RPL26L1: variants seen among roughly 807,000 people sequenced by gnomAD.
RPL26L1 encodes ribosomal protein L26 like 1.
RPL26L1 carries 8 observed loss-of-function variants against 15.2 expected under a neutral mutation model. The observed-to-expected ratio is 0.53, with a 90% CI of 0.31 to 0.95. The LOEUF (loss-of-function observed/expected upper bound fraction) is 0.95, where lower values mean the gene tolerates loss of function less well. Ranked by LOEUF, RPL26L1 falls within the 40% of genes least tolerant of loss-of-function variation. The probability of loss-of-function intolerance (pLI) is 0.05; values close to 1 mark genes in which losing one functional copy is unlikely to be tolerated. For missense variants in RPL26L1, 146 were observed against 190.9 expected (o/e 0.76, Z 1.39); for synonymous variants, 51 against 65.9 (o/e 0.77, Z 1.09).
upstream of RPL26L1, chr5:172,959,024 C>T (rs1261941914): frequency 6.5e-6 from 1 of 152,696 alleles, no homozygotes; most frequent in Non-Finnish European, 1.5e-5. Flanking sequence ...AAATCGAGAC[C>T]ATCCTGGCTA....
At chr5:172,960,211 T>A (rs1024221199) in intron 2 of RPL26L1, among the ~76,000 whole-genome samples, 170 bp downstream of exon 2, 1 of 152,214 alleles carries the variant, frequency 6.6e-6, no homozygotes, top group African/African-American at 2.4e-5. Context: ...TGCGTTGCTT[T>A]AGAGCATTTA....
intron 2 of RPL26L1, among the ~76,000 whole-genome samples, chr5:172,962,443 G>A (rs142783870): frequency 9.9e-5 from 15 of 152,188 alleles, no homozygotes; most frequent in African/African-American, 3.6e-4. Flanking sequence ...GGGAGGCGGA[G>A]GTTGCAATGA....
At chr5:172,958,016 G>A (rs543739216), upstream of RPL26L1, 11 of 253,528 alleles carry the variant, frequency 4.3e-5, no homozygotes, top group South Asian at 4.5e-4. Flanking sequence ...TGTAATCCCA[G>A]TACTTTGGGA....
intron 2 of RPL26L1, among the ~76,000 whole-genome samples, chr5:172,960,976 A>G (rs1755215007): frequency 6.6e-6 from 1 of 151,880 alleles, no homozygotes; most frequent in South Asian, 2.1e-4. Flanking sequence ...GCCTCTCCCC[A>G]CTAGATGCCA....
intron 1 of RPL26L1, 132 bp from the exon 2 acceptor site, chr5:172,959,733 C>T: frequency 2.6e-6 from 3 of 1,169,672 alleles, no homozygotes; most frequent in Middle Eastern, 2.5e-4. Context: ...CTCTGTCCTC[C>T]CTCAGTTGCC....
intron 3 of RPL26L1, among the ~76,000 whole-genome samples, chr5:172,969,132 A>C (rs1334189316): frequency 6.6e-6 from 1 of 152,042 alleles, no homozygotes; most frequent in Non-Finnish European, 1.5e-5. Flanking sequence ...AGCTGGTTGC[A>C]AGAGGCTTCC....
intron 2 of RPL26L1, among the ~76,000 whole-genome samples, chr5:172,966,759 A>G (rs62387407): frequency 0.66 from 100,968 of 151,996 alleles, 37,469 homozygotes; most frequent in Non-Finnish European, 0.82. Context: ...AAAATAAGCC[A>G]AACAAGCTAT....
chr5:172,957,185 T>A (rs889524449), upstream of RPL26L1: 10 of 456,102 alleles, frequency 2.2e-5, no homozygotes, highest in Non-Finnish European at 4.4e-5. Context: ...GTGCTTTGAG[T>A]TCCTGCGCAT....
At chr5:172,958,766 G>A (rs1378879731), upstream of RPL26L1, 1 of 239,946 alleles carries the variant, frequency 4.2e-6, no homozygotes, top group African/African-American at 2.2e-5. Flanking sequence ...GACCCGGCGG[G>A]GCCAGGCACG....
upstream of RPL26L1, chr5:172,957,651 AC>A (rs1755021249): frequency 1.4e-5 from 3 of 221,718 alleles, no homozygotes; most frequent in Non-Finnish European, 2.8e-5. Flanking sequence ...GAATGAATGA[AC>A]TCCTTGGGGC....
upstream of RPL26L1, chr5:172,955,256 G>A (rs1290348257): frequency 1.2e-5 from 4 of 320,816 alleles, no homozygotes; most frequent in African/African-American, 2.2e-5. Flanking sequence ...AGCCTCCTGA[G>A]TAGCTGAGAT....
chr5:172,962,400 C>T (rs1419294779), intron 2 of RPL26L1, among the ~76,000 whole-genome samples: 14 of 152,000 alleles, frequency 9.2e-5, no homozygotes, highest in African/African-American at 2.7e-4. Context: ...CCCAGCTACT[C>T]GGGAGGCTGA....
Position 172,969,491 on chromosome 5 carries a change from A to G in RPL26L1, c.388A>G (p.Lys130Glu). 1 of 1,613,794 alleles carries G rather than the reference A, an allele frequency of 6.2e-7. No homozygotes were observed. The change falls in exon 4 of 4, where the codon AAA (lysine) becomes GAA (glutamate). Residue 130 changes from lysine (K) to glutamate (E), a missense_variant. Coordinates refer to ENST00000265100, the MANE Select transcript of RPL26L1 (RefSeq NM_016093.4). Reference protein sequence around the residue: ...ERKAKSRQVGKEKGKYKEELI... With the variant: ...ERKAKSRQVGEEKGKYKEELI... ...CAAAGCCAAGTCTCGACAAGTTGGA[A>G]AAGAGAAAGGCAAATATAAAGAAGA...
At position 172,969,395 on chromosome 5, in the gene RPL26L1, T is replaced by G. The variant is rs1331381736; in HGVS notation, c.310-18T>G. 1.2e-6 allele frequency: 2 copies of G among 1,611,580 alleles called. No homozygotes were observed. On this transcript the variant is annotated intron_variant, in intron 3 of 3. Transcript: ENST00000265100. ...GTGGGGATGCAGAAATAAAGACCTG[T>G]TTTCTCACTCCCAACAGGTGGTTAT...
upstream of RPL26L1, chr5:172,957,488 G>A (rs781371953): frequency 1.7e-4 from 54 of 311,266 alleles, 1 homozygote; most frequent in Non-Finnish European, 3.3e-4. Context: ...ATCAAGACCT[G>A]TACCTGGCTC....
chr5:172,968,333 G>T, intron 2 of RPL26L1, 126 bp from the exon 3 acceptor site: 2 of 1,243,494 alleles, frequency 1.6e-6, no homozygotes, highest in Non-Finnish European at 1.1e-6. Flanking sequence ...GCTAATTTTT[G>T]ACTGCCAGGA....
intron 2 of RPL26L1, among the ~76,000 whole-genome samples, chr5:172,965,070 G>C (rs1755405036): frequency 2.6e-5 from 4 of 152,162 alleles, no homozygotes; most frequent in Non-Finnish European, 5.9e-5. Context: ...TGTAATCCCA[G>C]CTACAAGGGA....
chr5:172,958,965 G>C (rs1561753931), upstream of RPL26L1: 1 of 153,692 alleles, frequency 6.5e-6, no homozygotes, highest in South Asian at 2.0e-4. Flanking sequence ...GCTCACGCCT[G>C]TAATCCCAGC....
intron 2 of RPL26L1, among the ~76,000 whole-genome samples, chr5:172,961,334 G>A (rs1356147926): frequency 6.6e-6 from 1 of 152,158 alleles, no homozygotes; most frequent in Non-Finnish European, 1.5e-5. Context: ...ACTTATAGGG[G>A]ATAGGTAGGG....
Sources: allele counts gnomAD v4.1 joint callset (sites outside exome capture counted in the v4.1 genomes callset), GRCh38; gene constraint gnomAD v4.1.1; transcripts MANE v1.5; gene names NCBI Gene and HGNC (gene_info 2026-07-23, HGNC 2026-07-21).